Variants in WWOX observed in about 807,000 individuals in gnomAD.
The protein encoded by WWOX is WW domain-containing oxidoreductase.
WWOX carries 69 observed loss-of-function variants against 46.2 expected under a neutral mutation model. The observed-to-expected ratio is 1.49, with a 90% confidence interval of 1.23 to 1.82. The LOEUF is 1.82. Among genes scored for constraint, WWOX ranks in the 40% most tolerant of loss-of-function variants. WWOX has a pLI of 0.00. For synonymous variants in WWOX, 359 were observed against 202.6 expected (o/e 1.77, Z -6.56); for missense variants, 919 against 542.6 (o/e 1.69, Z -6.89).
intron 5 of WWOX, among the ~76,000 whole-genome samples, chr16:78,376,886 C>T (rs574385757): frequency 4.6e-5 from 7 of 152,324 alleles, no homozygotes; most frequent in South Asian, 4.1e-4. Flanking sequence ...ATTCCGATTT[C>T]CCAAGTCCAC....
chr16:78,232,672 T>A (rs1008876912), intron 5 of WWOX, among the ~76,000 whole-genome samples: 10 of 152,182 alleles, frequency 6.6e-5, no homozygotes, highest in African/African-American at 2.4e-4. Flanking sequence ...AATGGATAGT[T>A]TTAAACTTGA....
chr16:78,756,035 A>G (rs2049637807), intron 8 of WWOX, among the ~76,000 whole-genome samples: 1 of 152,136 alleles, frequency 6.6e-6, no homozygotes, highest in Non-Finnish European at 1.5e-5. Flanking sequence ...TCATGTATGA[A>G]CTCTGAGGCA....
chr16:78,742,864 G>T (rs1161502296), intron 8 of WWOX, among the ~76,000 whole-genome samples: 2 of 152,110 alleles, frequency 1.3e-5, no homozygotes, highest in African/African-American at 2.4e-5. Context: ...GTCAGAGCCG[G>T]GGGCTTCCCA....
chr16:78,996,212 A>C (rs938454308), intron 8 of WWOX: 2 of 985,014 alleles, frequency 2.0e-6, no homozygotes, highest in Non-Finnish European at 2.4e-6. Context: ...AAATTTTTGA[A>C]GACTTGTGGA....
intron 5 of WWOX, among the ~76,000 whole-genome samples, chr16:78,258,341 T>C (rs1256562546): frequency 6.6e-6 from 1 of 152,212 alleles, no homozygotes; most frequent in South Asian, 2.1e-4. Flanking sequence ...CTATATACAC[T>C]GAATGTAGTT....
At chr16:78,316,543 G>T (rs893453985) in intron 5 of WWOX, among the ~76,000 whole-genome samples, 2 of 152,026 alleles carry the variant, frequency 1.3e-5, no homozygotes, top group African/African-American at 4.8e-5. Context: ...TGGTTTTGCG[G>T]TGTTGGCCAG....
In WWOX at chr16:78,839,490, T is replaced by A. The variant is rs2052080748; in HGVS notation, c.1057-372118T>A. On this transcript the variant is annotated intron_variant, in intron 8 of 8. Coordinates refer to ENST00000566780, the MANE Select transcript of WWOX (RefSeq NM_016373.4). The stretch of plus-strand genomic sequence containing the variant: ...TTACTATGGATTCAGAATGGATGCA[T>A]TTTATGTACAGGGCTGTGACTTTTT... Among the ~76,000 whole-genome samples the A allele has an allele frequency of 2.6e-5, 4 of 152,338 alleles. No individual in the cohort carries two copies. The South Asian group carries it at 6.2e-4, about 24-fold the overall frequency.
At position 78,336,214 on chromosome 16, in the gene WWOX, C is replaced by T. The variant is rs562478329; in HGVS notation, c.517-50646C>T. On this transcript the variant is annotated intron_variant, in intron 5 of 8. Coordinates refer to ENST00000566780, the MANE Select transcript of WWOX (RefSeq NM_016373.4). Reference sequence around the variant, plus strand: ...ACAGGCCAGGCATGGTGGCTCATGCCTGTGATCCACAACTTTGGGAGGCTG... The same window carrying T: ...ACAGGCCAGGCATGGTGGCTCATGCTTGTGATCCACAACTTTGGGAGGCTG... Among the ~76,000 whole-genome samples the T allele has an allele frequency of 3.1e-3, 474 of 151,862 alleles. 1 individual carries two copies. The highest frequency in any genetic ancestry group is 0.011 in the African/African-American group (443 of 41,406).
chr16:78,557,213 G>A (rs939771492), intron 8 of WWOX, among the ~76,000 whole-genome samples: 2 of 148,976 alleles, frequency 1.3e-5, no homozygotes, highest in African/African-American at 5.0e-5. Flanking sequence ...CACAGGGAAA[G>A]ACCAATTATC....
At position 78,801,194 on chromosome 16, in the gene WWOX, A is replaced by AAAAC. The variant is rs201057161; in HGVS notation, c.1056+368456_1056+368459dup. Among the ~76,000 whole-genome samples, 1,407 of 152,120 alleles carry AAAAC rather than the reference A, an allele frequency of 9.2e-3. 21 individuals are homozygous for AAAAC. Among genetic ancestry groups the AAAAC allele is most frequent in the African/African-American group, 0.031 (1,298 of 41,494 alleles). ...CATCTCAAGTGGTTTCTACCTCATTAAAACAAACAAACAAACACCACTCAC... is the reference window on the plus strand; with the variant it reads ...CATCTCAAGTGGTTTCTACCTCATTAAAACAAACAAACAAACAAACACCACTCAC... On this transcript the variant is annotated intron_variant, in intron 8 of 8. Transcript: ENST00000566780.
intron 8 of WWOX, among the ~76,000 whole-genome samples, chr16:78,514,783 G>A (rs762015973): frequency 5.9e-5 from 9 of 152,216 alleles, no homozygotes; most frequent in Non-Finnish European, 1.2e-4. Flanking sequence ...CATAAATAAT[G>A]TTACTATAAT....
chr16:78,326,091 T>A (rs772604731), intron 5 of WWOX, among the ~76,000 whole-genome samples: 2 of 152,132 alleles, frequency 1.3e-5, no homozygotes, highest in Non-Finnish European at 2.9e-5. Context: ...GCCTCTAAAC[T>A]CTTGAGCTCC....
At chr16:78,823,913 C>G (rs2051577085) in intron 8 of WWOX, among the ~76,000 whole-genome samples, 1 of 151,854 alleles carries the variant, frequency 6.6e-6, no homozygotes, top group Non-Finnish European at 1.5e-5. Context: ...GTAGCTAGGA[C>G]TACAGGCGAG....
chr16:79,083,004 G>T (rs1414444809), intron 8 of WWOX, among the ~76,000 whole-genome samples: 1 of 152,078 alleles, frequency 6.6e-6, no homozygotes, highest in Non-Finnish European at 1.5e-5. Flanking sequence ...ATGCCTACCT[G>T]GCACTCCTAC....
At chr16:79,057,941 C>T (rs918026920) in intron 8 of WWOX, among the ~76,000 whole-genome samples, 3 of 151,990 alleles carry the variant, frequency 2.0e-5, no homozygotes, top group South Asian at 4.2e-4. Context: ...TATCAGTGGC[C>T]AAATCATTCA....
chr16:78,491,066 G>C (rs1162397852), intron 8 of WWOX, among the ~76,000 whole-genome samples: 1 of 152,168 alleles, frequency 6.6e-6, no homozygotes, highest in East Asian at 1.9e-4. Flanking sequence ...AGCTCACCAG[G>C]CTGAGTCATC....
intron 8 of WWOX, among the ~76,000 whole-genome samples, chr16:78,746,443 A>G (rs752627190): frequency 1.3e-5 from 2 of 152,114 alleles, no homozygotes; most frequent in Non-Finnish European, 2.9e-5. Context: ...GGCTGCAGTG[A>G]GCCATGATCA....
intron 8 of WWOX, chr16:78,898,337 A>G (rs531305477): frequency 6.6e-6 from 1 of 152,244 alleles, no homozygotes; most frequent in Admixed American, 6.5e-5. Flanking sequence ...AGGTAATGGT[A>G]GAGGTTTATT....
intron 8 of WWOX, among the ~76,000 whole-genome samples, chr16:78,981,172 C>G (rs1448733276): frequency 1.3e-5 from 2 of 152,200 alleles, no homozygotes; most frequent in Non-Finnish European, 1.5e-5. Flanking sequence ...TTCCTAAACT[C>G]TGCATGTGGT....
Sources: allele counts gnomAD v4.1 joint callset (sites outside exome capture counted in the v4.1 genomes callset), GRCh38; gene constraint gnomAD v4.1.1; transcripts MANE v1.5; gene names NCBI Gene and HGNC (gene_info 2026-07-23, HGNC 2026-07-21).